ATRN: variants seen among roughly 807,000 people sequenced by gnomAD.
ATRN encodes attractin, also known as attractin-2.
In ATRN, 54 loss-of-function variants were observed where a neutral mutation model predicts 178.7. The observed-to-expected ratio is 0.30, with a 90% CI of 0.24 to 0.38. The LOEUF (loss-of-function observed/expected upper bound fraction) is 0.38, where lower values mean the gene tolerates loss of function less well. Ranked by LOEUF, ATRN falls within the 10% of genes least tolerant of loss-of-function variation. The pLI is 1.00. For missense variants in ATRN, 1,443 were observed against 1,815.1 expected (o/e 0.79, Z 3.73); for synonymous variants, 636 against 663.0 (o/e 0.96, Z 0.63).
intron 1 of ATRN, among the ~76,000 whole-genome samples, chr20:3,503,111 A>G (rs1317772419): frequency 6.6e-6 from 1 of 152,128 alleles, no homozygotes; most frequent in Admixed American, 6.6e-5. Context: ...GCAGAGACCA[A>G]TGGGAGCTCA....
rs971323584 is a variant in ATRN at position 3,632,958 on chromosome 20, C to T, written c.3864-1353C>T. Among the ~76,000 whole-genome samples the T allele has an allele frequency of 2.0e-5, 3 of 152,150 alleles. No individual in the cohort carries two copies. The highest frequency in any genetic ancestry group is 2.0e-4 in the Admixed American group (3 of 15,272). On this transcript the variant is annotated intron_variant, in intron 25 of 28. Transcript: ENST00000262919. This position sits in a 1 kb window ranked among gnomAD's most constrained non-coding sequence, Gnocchi z 4.2. The stretch of plus-strand genomic sequence containing the variant: ...CAGACTGGCCAACGTGGTGAAACCT[C>T]GTCTCCACTAAAAATACAAAAATTA...
intron 27 of ATRN, among the ~76,000 whole-genome samples, chr20:3,641,806 C>G (rs1568779044): frequency 6.6e-6 from 1 of 151,698 alleles, no homozygotes; most frequent in Non-Finnish European, 1.5e-5. Flanking sequence ...GAGAATTTGC[C>G]ACCAGCAGAC....
intron 1 of ATRN, among the ~76,000 whole-genome samples, chr20:3,492,850 GA>G (rs1377935341): frequency 3.7e-4 from 47 of 128,598 alleles, no homozygotes; most frequent in African/African-American, 1.7e-3. Flanking sequence ...GAGAGAGAGA[GA>G]GAGGCGCGCG....
At chr20:3,611,794 A>G (rs1334826520) in intron 24 of ATRN, among the ~76,000 whole-genome samples, 1 of 152,236 alleles carries the variant, frequency 6.6e-6, no homozygotes, top group African/African-American at 2.4e-5. Flanking sequence ...GCACAATGAG[A>G]TAACACTACA....
At chr20:3,535,474 T>C (rs531989342) in intron 2 of ATRN, 138 bp downstream of exon 2, 3 of 356,822 alleles carry the variant, frequency 8.4e-6, no homozygotes, top group African/African-American at 2.2e-5. Flanking sequence ...ATTTGACAAG[T>C]GAATTTTATC....
At chr20:3,515,538 C>T (rs2085195630) in intron 1 of ATRN, among the ~76,000 whole-genome samples, 1 of 152,074 alleles carries the variant, frequency 6.6e-6, no homozygotes, top group Admixed American at 6.5e-5. Context: ...GTGAGATTTA[C>T]CTTATGTACC....
intron 1 of ATRN, among the ~76,000 whole-genome samples, chr20:3,478,149 G>T (rs1420217040): frequency 6.6e-6 from 1 of 151,964 alleles, no homozygotes; most frequent in African/African-American, 2.4e-5. Context: ...CCTCATTGCT[G>T]ACCTGCTTCT....
chr20:3,585,401 G>A (rs528910266), intron 18 of ATRN, among the ~76,000 whole-genome samples: 1 of 152,288 alleles, frequency 6.6e-6, no homozygotes, highest in South Asian at 2.1e-4. Context: ...AGCTAAATGT[G>A]AACCCAACAG....
intron 2 of ATRN, among the ~76,000 whole-genome samples, chr20:3,538,282 T>C (rs1356701993): frequency 6.6e-6 from 1 of 152,150 alleles, no homozygotes; most frequent in Admixed American, 6.5e-5. Context: ...CAGTGATCAC[T>C]AGTACCATTT....
At chr20:3,494,707 A>C (rs890022251) in intron 1 of ATRN, among the ~76,000 whole-genome samples, 3 of 152,194 alleles carry the variant, frequency 2.0e-5, no homozygotes, top group Admixed American at 6.5e-5. Flanking sequence ...TGATATAGGG[A>C]ATATAAGTCT....
At chr20:3,516,224 C>T (rs745869485) in intron 1 of ATRN, among the ~76,000 whole-genome samples, 1 of 152,194 alleles carries the variant, frequency 6.6e-6, no homozygotes, top group Non-Finnish European at 1.5e-5. Flanking sequence ...GATTGACCCA[C>T]AGTGCGGAGA....
chr20:3,562,349 C>A lies in ATRN; in HGVS notation c.1521C>A (p.Tyr507Ter). 1 of 1,614,076 alleles carries A rather than the reference C, an allele frequency of 6.2e-7. No homozygotes were observed. Among genetic ancestry groups the A allele is most frequent in the Non-Finnish European group, 8.5e-7 (1 of 1,179,980 alleles). Residue 507 changes from tyrosine to a stop codon, truncating the protein, a stop_gained, in exon 9 of 29, where the codon TAC becomes TAA. Transcript: ENST00000262919. LOFTEE classifies it high-confidence loss of function. Reference protein sequence around the residue: ...VQGGYGHSSVYDHRTRALYVH... With the variant: ...VQGGYGHSSV ...GGGGTTACGGCCATAGCAGTGTTTA[C>A]GACCATAGGACCAGGGCCCTATACG... is the stretch of plus-strand genomic sequence containing the variant.
chr20:3,530,120 T>G (rs2085430945), intron 1 of ATRN, among the ~76,000 whole-genome samples: 1 of 151,034 alleles, frequency 6.6e-6, no homozygotes, highest in Admixed American at 6.6e-5. Context: ...GCATATTTTA[T>G]GAAAATCCAA....
In ATRN at chr20:3,638,466, T is replaced by TTA. The variant is rs2146324945; in HGVS notation, c.3943-360_3943-359dup. 6.6e-6 allele frequency among the ~76,000 whole-genome samples: 1 copy of TTA among 152,320 alleles called. No individual in the cohort carries two copies. The highest frequency in any genetic ancestry group is 6.5e-5 in the Admixed American group (1 of 15,302). ...GTCCCTGCAAAGGATATGAACTCATTTATTTTATGGCCGCATAGTATTCCA... is the reference window on the plus strand; with the variant it reads ...GTCCCTGCAAAGGATATGAACTCATTTATATTTTATGGCCGCATAGTATTCCA... On this transcript the variant is annotated intron_variant, in intron 26 of 28. Transcript: ENST00000262919. This position sits in a 1 kb window ranked among gnomAD's most constrained non-coding sequence, Gnocchi z 4.5.
chr20:3,596,519 A>C, intron 21 of ATRN, 90 bp downstream of exon 21: 1 of 1,234,812 alleles, frequency 8.1e-7, no homozygotes, highest in Non-Finnish European at 1.2e-6. Context: ...TAAGTGCTAT[A>C]AGACTATAGC....
intron 24 of ATRN, among the ~76,000 whole-genome samples, chr20:3,615,237 TG>T (rs1241127595): frequency 6.6e-6 from 1 of 152,038 alleles, no homozygotes; most frequent in Non-Finnish European, 1.5e-5. Flanking sequence ...GAGACCAGGC[TG>T]GGCAACATAG....
chr20:3,642,214 A>T (rs1448906732), intron 27 of ATRN, among the ~76,000 whole-genome samples: 1 of 152,102 alleles, frequency 6.6e-6, no homozygotes, highest in African/African-American at 2.4e-5. Flanking sequence ...AGTGATCTTC[A>T]CTATCACAGG....
At chr20:3,576,758 G>A in intron 13 of ATRN, 101 bp from the exon 14 acceptor site, 1 of 1,034,996 alleles carries the variant, frequency 9.7e-7, no homozygotes, top group Non-Finnish European at 1.3e-6. Context: ...TTTGCAGTTT[G>A]CTTCCTCAAT....
Position 3,547,378 on chromosome 20 carries a change from A to G in ATRN, c.832A>G (p.Lys278Glu), listed in dbSNP as rs1399877179. The change falls in exon 5 of 29, where the codon AAA becomes GAA. Residue 278 changes from lysine (K) to glutamate (E), a missense_variant. Lys to Glu is a moderately conservative substitution (Grantham distance 56). Around this residue, in one of 4 missense-constraint regions of ATRN, gnomAD observed 862 missense variants for 972.1 expected, o/e 0.89. Coordinates refer to ENST00000262919, the MANE Select transcript of ATRN (RefSeq NM_139321.3). ...TVECECSENW[K>E]GEACDIPHCT... is the part of the protein sequence containing the mutation. ...TGAATGTGAATGTTCTGAAAACTGG[A>G]AAGGTGAAGCATGTGACATTCCTCA... The G allele has an allele frequency of 3.0e-5, 49 of 1,613,842 alleles. No homozygotes were observed. The highest frequency in any genetic ancestry group is 4.1e-5 in the Non-Finnish European group (48 of 1,179,806).
Sources: allele counts gnomAD v4.1 joint callset (sites outside exome capture counted in the v4.1 genomes callset), GRCh38; gene constraint gnomAD v4.1.1; regional missense constraint gnomAD v4.1.1; non-coding constraint Gnocchi (gnomAD v3.1); transcripts MANE v1.5; gene names NCBI Gene and HGNC (gene_info 2026-07-23, HGNC 2026-07-21).